Variants in FBRS observed in about 807,000 individuals in gnomAD.
FBRS encodes probable fibrosin-1.
FBRS carries 15 observed loss-of-function variants against 86.1 expected under a neutral mutation model. The observed-to-expected ratio is 0.17, with a 90% CI of 0.12 to 0.27. FBRS has a LOEUF of 0.27. Among genes scored for constraint, FBRS ranks in the 10% least tolerant of loss-of-function variants. FBRS has a pLI of 1.00. For synonymous variants in FBRS, 666 were observed against 575.8 expected (o/e 1.16, Z -2.24); for missense variants, 1,367 against 1,301.6 (o/e 1.05, Z -0.77).
Position 30,664,520 on chromosome 16 carries a change from A to G in FBRS, c.1357+4A>G. ...TCAGCCGCTAACGCCCTTTCTGGTG[A>G]GTTTGGGGTCCTGGCCGGGGGGTGG... On this transcript the variant is annotated splice_donor_region_variant and intron_variant, in intron 7 of 17. Coordinates refer to ENST00000356166, the MANE Select transcript of FBRS (RefSeq NM_001105079.3). 1 of 1,414,254 alleles carries G rather than the reference A, an allele frequency of 7.1e-7. No homozygotes were observed. The highest frequency in any genetic ancestry group is 2.6e-5 in the East Asian group (1 of 38,340). The allele number at this position is 1,414,254 out of a possible 1,614,324, so 87.6% of individuals were successfully genotyped here.
Position 30,660,424 on chromosome 16 carries a change from T to G in FBRS, c.621T>G (p.Asn207Lys). ...GGGATCGGGCCCGAAAATGGCCCAA[T>G]AAGCGGAGAAGAAAAGAGGTGAGGT... ...PPGDRARKWP[N>K]KRRRKEASSR... is the part of the protein sequence containing the mutation. Residue 207 changes from asparagine to lysine, a missense_variant, in exon 2 of 18, where the codon AAT (asparagine) becomes AAG (lysine). Asn to Lys is a moderately conservative substitution (Grantham distance 94). Around this residue, in one of 3 missense-constraint regions of FBRS, gnomAD observed 702 missense variants for 598.7 expected, o/e 1.17. Transcript: ENST00000356166. 1 of 1,259,030 alleles carries G rather than the reference T, an allele frequency of 7.9e-7. No individual in the cohort carries two copies. The highest frequency in any genetic ancestry group is 1.5e-5 in the African/African-American group (1 of 64,628). The allele number at this position is 1,259,030 out of a possible 1,614,324, so 78.0% of individuals were successfully genotyped here. A position where few individuals can be genotyped will look rare whatever the true frequency, so the allele number is the denominator to read the frequency against.
intron 13 of FBRS, 37 bp downstream of exon 13, chr16:30,667,027 GA>G: frequency 6.4e-7 from 1 of 1,572,194 alleles, no homozygotes; most frequent in African/African-American, 1.3e-5. Context: ...GTGGGTCTCA[GA>G]GTCAGGGGAG....
chr16:30,669,010 C>T lies in FBRS; in HGVS notation c.2366+31C>T. ...CCTCCCACCCACCCTGCCCCTGCCC[C>T]ACCCTCAGCCCCTGCTGCCCCTGGA... On this transcript the variant is annotated intron_variant, in intron 17 of 17. Coordinates refer to ENST00000356166, the MANE Select transcript of FBRS (RefSeq NM_001105079.3). The surrounding 1 kb of genome is among the most constrained non-coding windows in gnomAD (Gnocchi z 5.9). The T allele has an allele frequency of 6.4e-7, 1 of 1,558,820 alleles. No homozygotes were observed. The highest frequency in any genetic ancestry group is 8.7e-7 in the Non-Finnish European group (1 of 1,151,878).
rs2052422976 is a variant in FBRS, at chr16:30,659,244, G to T, written c.-275G>T. On this transcript the variant is annotated 5_prime_UTR_variant, in exon 1 of 18. Coordinates refer to ENST00000356166, the MANE Select transcript of FBRS (RefSeq NM_001105079.3). Reference sequence around the variant, plus strand: ...AAGGGGCCGGGAGCTGGACAACTTGGGGCCTCGCCTTAAAGGGACGGCCGC... The same window carrying T: ...AAGGGGCCGGGAGCTGGACAACTTGTGGCCTCGCCTTAAAGGGACGGCCGC... The T allele has an allele frequency of 6.1e-6, 1 of 163,020 alleles. No individual in the cohort carries two copies. Among genetic ancestry groups the T allele is most frequent in the East Asian group, 1.8e-4 (1 of 5,710 alleles). 10.1% of individuals were successfully genotyped at this position (163,020 alleles called of 1,614,324 possible).
chr16:30,665,392 C>G lies in FBRS; in HGVS notation c.1695C>G (p.Phe565Leu). 6.4e-7 allele frequency: 1 copy of G among 1,569,082 alleles called. No individual in the cohort carries two copies. Residue 565 changes from phenylalanine (F) to leucine (L), a missense_variant, in exon 10 of 18, where the codon TTC (phenylalanine) becomes TTG (leucine). Coordinates refer to ENST00000356166, the MANE Select transcript of FBRS (RefSeq NM_001105079.3). The surrounding 1 kb of genome is among the most constrained non-coding windows in gnomAD (Gnocchi z 4.1). ...CCTTTGGCTCCCTGCAGGGGGCCTT[C>G]CAGCCCAAGGTGAGCTCCCAATCCA... ...AVSFGSLQGA[F>L]QPKSTNPELP...
Position 30,662,572 on chromosome 16 carries a change from C to T in FBRS, c.768C>T (p.His256=), listed in dbSNP as rs1034966369. Residue 256 remains histidine, a synonymous_variant, in exon 6 of 18, where the codon CAC becomes CAT. Coordinates refer to ENST00000356166, the MANE Select transcript of FBRS (RefSeq NM_001105079.3). ...TVSTSKASGP[H]GAFNGNCEAK... is the part of the protein sequence containing the mutation. The stretch of plus-strand genomic sequence containing the variant: ...CCTGCCCCACAGCCTCGGGCCCCCA[C>T]GGCGCCTTCAATGGGAACTGTGAAG... The T allele has an allele frequency of 3.6e-5, 56 of 1,542,236 alleles. No individual in the cohort carries two copies. Among genetic ancestry groups the T allele is most frequent in the South Asian group, 1.2e-4 (10 of 83,528 alleles).
At chr16:30,668,438 A>G (rs913146307) in intron 15 of FBRS, 122 bp from the exon 16 acceptor site, 12 of 817,096 alleles carry the variant, frequency 1.5e-5, no homozygotes, top group African/African-American at 1.0e-4. Flanking sequence ...TGCTCAGCAC[A>G]TGGCTGCTGA....
rs2052518559 is a variant in FBRS at position 30,666,022 on chromosome 16, G to C, written c.1773+316G>C. On this transcript the variant is annotated intron_variant, in intron 11 of 17. Coordinates refer to ENST00000356166, the MANE Select transcript of FBRS (RefSeq NM_001105079.3). ...AGGAAGCCCTGTTCGGAAAACAAAAGATAAGCTGCCCCTTGGTGAAGTGAG... is the reference window on the plus strand; with the variant it reads ...AGGAAGCCCTGTTCGGAAAACAAAACATAAGCTGCCCCTTGGTGAAGTGAG... The C allele has an allele frequency of 1.2e-5, 5 of 418,770 alleles. No homozygotes were observed. The South Asian group carries it at 1.3e-4, about 11-fold the overall frequency. 25.9% of individuals were successfully genotyped at this position (418,770 alleles called of 1,614,324 possible). A position where few individuals can be genotyped will look rare whatever the true frequency, so the allele number is the denominator to read the frequency against.
chr16:30,664,542 G>T (rs1377157414), intron 7 of FBRS, 26 bp downstream of exon 7: 4 of 1,424,738 alleles, frequency 2.8e-6, no homozygotes, highest in South Asian at 1.5e-5. Context: ...TGGCCGGGGG[G>T]TGGGGGGCCA....
In FBRS at chr16:30,664,877, C is replaced by A. The variant is rs770519256; in HGVS notation, c.1520C>A (p.Thr507Asn). 1.2e-6 allele frequency: 2 copies of A among 1,608,556 alleles called. No individual in the cohort carries two copies. Among genetic ancestry groups the A allele is most frequent in the South Asian group, 1.1e-5 (1 of 90,084 alleles). The change falls in exon 8 of 18, where the codon ACC becomes AAC. Residue 507 changes from threonine to asparagine, a missense_variant. By Grantham distance (65) the Thr-to-Asn change is moderately conservative (BLOSUM62 0). This residue lies in a region of FBRS where 659 missense variants were observed against 678.8 expected (regional missense o/e 0.97). Transcript: ENST00000356166. Reference sequence around the variant, plus strand: ...CACCAGCACACCCACCAGCACTTCACCCCTTATCCCCCGGGCCTGCTGCCA... The same window carrying A: ...CACCAGCACACCCACCAGCACTTCAACCCTTATCCCCCGGGCCTGCTGCCA... ...HTHQHTHQHFTPYPPGLLPPH... is the reference protein window; with the variant it reads ...HTHQHTHQHFNPYPPGLLPPH...
chr16:30,660,350 AC>A lies in FBRS; in HGVS notation c.549del (p.Glu185SerfsTer106). On this transcript the variant is annotated frameshift_variant, in exon 2 of 18. Transcript: ENST00000356166. LOFTEE classifies it high-confidence loss of function. ...KRKRGGSSGA[T>X]GEPGDSSDRE... is the part of the protein sequence containing the mutation. ...GAAAAGGGGGGGCTCCAGTGGGGCC[AC>A]CGGGGAGCCAGGGGACAGCTCTGAT... The A allele has an allele frequency of 7.8e-7, 1 of 1,290,200 alleles. No individual in the cohort carries two copies. Among genetic ancestry groups the A allele is most frequent in the South Asian group, 2.7e-5 (1 of 37,174 alleles). 79.9% of individuals were successfully genotyped at this position (1,290,200 alleles called of 1,614,324 possible).
intron 7 of FBRS, 60 bp from the exon 8 acceptor site, chr16:30,664,655 T>C: frequency 6.9e-7 from 1 of 1,456,320 alleles, no homozygotes. Context: ...GGCAGTCACC[T>C]GGGCCCAAGG....
chr16:30,662,415 C>G lies in FBRS; in HGVS notation c.706-5C>G. The stretch of plus-strand genomic sequence containing the variant: ...CTAACTCTATCCCTTGCCCTTCTTC[C>G]CCAGGTCTCCGATGATGACCTCGAC... On this transcript the variant is annotated splice_region_variant and splice_polypyrimidine_tract_variant and intron_variant, in intron 4 of 17. Transcript: ENST00000356166. 6.4e-7 allele frequency: 1 copy of G among 1,550,540 alleles called. No homozygotes were observed. The highest frequency in any genetic ancestry group is 8.7e-7 in the Non-Finnish European group (1 of 1,147,020).
At position 30,665,206 on chromosome 16, in the gene FBRS, C is replaced by G. The variant is rs1401764312; in HGVS notation, c.1609-100C>G. On this transcript the variant is annotated intron_variant, in intron 9 of 17. Coordinates refer to ENST00000356166, the MANE Select transcript of FBRS (RefSeq NM_001105079.3). The surrounding 1 kb of genome is among the most constrained non-coding windows in gnomAD (Gnocchi z 4.1). Reference sequence around the variant, plus strand: ...CAAGAGCCTTGAGCCTGGGACAGCTCCCTGGGGGGCTTTAGGGTGGAGGCC... The same window carrying G: ...CAAGAGCCTTGAGCCTGGGACAGCTGCCTGGGGGGCTTTAGGGTGGAGGCC... 6.6e-7 allele frequency: 1 copy of G among 1,512,004 alleles called. No individual in the cohort carries two copies. The allele number at this position is 1,512,004 out of a possible 1,614,324, so 93.7% of individuals were successfully genotyped here. A position where few individuals can be genotyped will look rare whatever the true frequency, so the allele number is the denominator to read the frequency against.
chr16:30,662,323 C>G, intron 4 of FBRS, 97 bp from the exon 5 acceptor site: 1 of 1,522,062 alleles, frequency 6.6e-7, no homozygotes, highest in South Asian at 1.2e-5. Flanking sequence ...TTGCCACTAC[C>G]ACCAGTTCCT....
In FBRS at chr16:30,659,761, C is replaced by T. The variant is rs1486259255; in HGVS notation, c.243C>T (p.Arg81=). The change falls in exon 1 of 18, where the codon CGC becomes CGT. Residue 81 remains arginine (R), a synonymous_variant. Coordinates refer to ENST00000356166, the MANE Select transcript of FBRS (RefSeq NM_001105079.3). ...GAGAGCGGCCTGGGGGCCCGAGACGCCGGCGGCCCCGTCCGAGACCTCGAC... is the reference window on the plus strand; with the variant it reads ...GAGAGCGGCCTGGGGGCCCGAGACGTCGGCGGCCCCGTCCGAGACCTCGAC... ...SSGERPGGPR[R]RRPRPRPRPP... 1.6e-5 allele frequency: 23 copies of T among 1,426,914 alleles called. No individual in the cohort carries two copies. The highest frequency in any genetic ancestry group is 2.0e-5 in the Non-Finnish European group (22 of 1,075,288). The allele number at this position is 1,426,914 out of a possible 1,614,324, so 88.4% of individuals were successfully genotyped here. A position where few individuals can be genotyped will look rare whatever the true frequency, so the allele number is the denominator to read the frequency against.
At position 30,660,249 on chromosome 16, in the gene FBRS, C is replaced by T. The variant is rs1310102454; in HGVS notation, c.460-14C>T. On this transcript the variant is annotated splice_polypyrimidine_tract_variant and intron_variant, in intron 1 of 17. Coordinates refer to ENST00000356166, the MANE Select transcript of FBRS (RefSeq NM_001105079.3). ...CCTTTTCCATCTATCTCAGCCCCACCTCCTCCTCCACAGAAGGATGCATCT... is the reference window on the plus strand; with the variant it reads ...CCTTTTCCATCTATCTCAGCCCCACTTCCTCCTCCACAGAAGGATGCATCT... The T allele has an allele frequency of 3.0e-6, 4 of 1,328,998 alleles. No homozygotes were observed. The highest frequency in any genetic ancestry group is 2.9e-6 in the Non-Finnish European group (3 of 1,031,924). The allele number at this position is 1,328,998 out of a possible 1,614,324, so 82.3% of individuals were successfully genotyped here.
chr16:30,664,171 G>A (rs748902852), intron 6 of FBRS, 44 bp from the exon 7 acceptor site: 103 of 1,288,316 alleles, frequency 8.0e-5, no homozygotes, highest in Non-Finnish European at 9.9e-5. Flanking sequence ...CGTCAGAGCT[G>A]GCACCTCCCA....
chr16:30,661,001 C>T (rs1298693989), intron 2 of FBRS, among the ~76,000 whole-genome samples, 179 bp from the exon 3 acceptor site: 1 of 152,094 alleles, frequency 6.6e-6, no homozygotes, highest in Non-Finnish European at 1.5e-5. Flanking sequence ...CGTGAGGACC[C>T]GGCGTATTTA....
Sources: allele counts gnomAD v4.1 joint callset (sites outside exome capture counted in the v4.1 genomes callset), GRCh38; gene constraint gnomAD v4.1.1; regional missense constraint gnomAD v4.1.1; non-coding constraint Gnocchi (gnomAD v3.1); transcripts MANE v1.5; gene names NCBI Gene and HGNC (gene_info 2026-07-23, HGNC 2026-07-21).